ALK: variants seen among roughly 807,000 people sequenced by gnomAD.
The protein encoded by ALK is ALK receptor tyrosine kinase.
A neutral mutation model predicts 163.1 loss-of-function variants in ALK; 74 were observed. The observed-to-expected ratio is 0.45, with a 90% CI of 0.38 to 0.55. The LOEUF (loss-of-function observed/expected upper bound fraction) is 0.55, where lower values mean the gene tolerates loss of function less well. Ranked by LOEUF, ALK falls within the 20% of genes least tolerant of loss-of-function variation. The pLI is 0.00. For synonymous variants in ALK, 960 were observed against 843.2 expected, an observed-to-expected ratio of 1.14 and a Z score of -2.40; for missense variants, 2,063 against 2,105.3, an observed-to-expected ratio of 0.98 and a Z score of 0.39.
intron 3 of ALK, among the ~76,000 whole-genome samples, chr2:29,621,248 A>C (rs934110726): frequency 1.4e-4 from 21 of 152,280 alleles, no homozygotes; most frequent in Admixed American, 3.3e-4. Context: ...GAGAAAAAAA[A>C]AACAACACTG....
intron 4 of ALK, among the ~76,000 whole-genome samples, chr2:29,522,116 G>T (rs906335088): frequency 6.6e-6 from 1 of 152,156 alleles, no homozygotes; most frequent in Non-Finnish European, 1.5e-5. Context: ...TTATCAGCTG[G>T]CAATAGGGTA....
rs548865320 is a variant in ALK, at chr2:29,728,553, C to T, written c.668-10856G>A. Among the ~76,000 whole-genome samples the T allele has an allele frequency of 1.9e-4, 29 of 152,322 alleles. No individual in the cohort carries two copies. The South Asian group carries it at 3.5e-3, about 19-fold the overall frequency. ...TGTTATCCATTGTGAAGGAGACAGA[C>T]ACAACCCTATGAGAACGTATGATGA... On this transcript the variant is annotated intron_variant, in intron 1 of 28. Transcript: ENST00000389048.
intron 4 of ALK, among the ~76,000 whole-genome samples, chr2:29,495,003 G>C (rs1162405244): frequency 1.3e-5 from 2 of 152,184 alleles, no homozygotes; most frequent in Middle Eastern, 6.3e-3. Context: ...ATAGCAGACT[G>C]TGCTTTATGA....
chr2:29,326,052 C>A (rs1411929828), intron 6 of ALK, among the ~76,000 whole-genome samples: 1 of 152,186 alleles, frequency 6.6e-6, no homozygotes, highest in Non-Finnish European at 1.5e-5. Context: ...TCCCTCCCAG[C>A]AACTGCTTTC....
intron 1 of ALK, among the ~76,000 whole-genome samples, chr2:29,768,380 C>G (rs1468755235): frequency 1.3e-5 from 2 of 152,176 alleles, no homozygotes; most frequent in Non-Finnish European, 2.9e-5. Context: ...CTCAGGAAAT[C>G]TACTCAGTAT....
chr2:29,541,881 G>A (rs1019971278), intron 3 of ALK, among the ~76,000 whole-genome samples: 12 of 152,262 alleles, frequency 7.9e-5, no homozygotes, highest in Middle Eastern at 3.4e-3. Context: ...AGCTGCTACC[G>A]TGAGATTTCA....
chr2:29,753,893 C>T (rs1049420373), intron 1 of ALK, among the ~76,000 whole-genome samples: 3 of 152,242 alleles, frequency 2.0e-5, no homozygotes, highest in Non-Finnish European at 4.4e-5. Context: ...ATACAGTCAG[C>T]AGCCCGAGTC....
chr2:29,560,534 T>C (rs1196228860), intron 3 of ALK, among the ~76,000 whole-genome samples: 1 of 152,108 alleles, frequency 6.6e-6, no homozygotes, highest in Non-Finnish European at 1.5e-5. Flanking sequence ...TAATTTTCTT[T>C]CTTTTCTTTT....
intron 7 of ALK, among the ~76,000 whole-genome samples, chr2:29,318,960 C>G (rs1344604913): frequency 6.6e-6 from 1 of 152,176 alleles, no homozygotes; most frequent in African/African-American, 2.4e-5. Flanking sequence ...TAGCCCATGG[C>G]CCAGGACTAG....
At chr2:29,377,474 CAAA>C (rs372035289) in intron 5 of ALK, among the ~76,000 whole-genome samples, 3 of 119,032 alleles carry the variant, frequency 2.5e-5, no homozygotes, top group African/African-American at 6.3e-5. Flanking sequence ...GACTACATCT[CAAA>C]AAAAAAAAAA....
intron 2 of ALK, among the ~76,000 whole-genome samples, chr2:29,700,719 C>T (rs536195582): frequency 2.0e-5 from 3 of 152,296 alleles, no homozygotes; most frequent in African/African-American, 7.2e-5. Flanking sequence ...AGACTGAATT[C>T]ATTAACAATT....
intron 11 of ALK, among the ~76,000 whole-genome samples, chr2:29,265,219 T>C (rs1034548850): frequency 8.5e-5 from 13 of 152,162 alleles, no homozygotes; most frequent in African/African-American, 2.9e-4. Flanking sequence ...GGTTTCACCA[T>C]GTTGGCCAGG....
At chr2:29,215,684 G>A (rs548623183) in intron 23 of ALK, among the ~76,000 whole-genome samples, 53 of 82,244 alleles carry the variant, frequency 6.4e-4, no homozygotes, top group African/African-American at 1.9e-3. Flanking sequence ...AAGAGAGAGT[G>A]CCTGAAGGGG....
chr2:29,598,184 G>A (rs576480652), intron 3 of ALK, among the ~76,000 whole-genome samples: 1 of 152,190 alleles, frequency 6.6e-6, no homozygotes, highest in East Asian at 1.9e-4. Context: ...GCGCCACCAC[G>A]CCAGCTAATT....
intron 1 of ALK, among the ~76,000 whole-genome samples, chr2:29,755,642 C>T (rs1680499905): frequency 6.6e-6 from 1 of 152,166 alleles, no homozygotes; most frequent in Admixed American, 6.5e-5. Context: ...ACAAACTGAG[C>T]ACATTATATC....
chr2:29,583,386 C>T (rs1272396865), intron 3 of ALK, among the ~76,000 whole-genome samples: 1 of 152,130 alleles, frequency 6.6e-6, no homozygotes, highest in Non-Finnish European at 1.5e-5. Flanking sequence ...CCCAAGACCA[C>T]ACCACTGGTC....
chr2:29,474,257 C>T (rs1382926474), intron 4 of ALK, among the ~76,000 whole-genome samples: 1 of 152,092 alleles, frequency 6.6e-6, no homozygotes, highest in Non-Finnish European at 1.5e-5. Flanking sequence ...AATAAAGTTA[C>T]ACAAAATTTA....
intron 1 of ALK, among the ~76,000 whole-genome samples, chr2:29,741,015 G>A (rs181553031): frequency 1.5e-3 from 221 of 152,048 alleles, no homozygotes; most frequent in African/African-American, 5.1e-3. Context: ...AAAAAATAAA[G>A]TAAAATAAAA....
intron 5 of ALK, among the ~76,000 whole-genome samples, chr2:29,342,624 T>A (rs1486346369): frequency 6.6e-6 from 1 of 152,202 alleles, no homozygotes; most frequent in Non-Finnish European, 1.5e-5. Flanking sequence ...GATGACTGAT[T>A]ATCCTGGCCT....
Sources: allele counts gnomAD v4.1 joint callset (sites outside exome capture counted in the v4.1 genomes callset), GRCh38; gene constraint gnomAD v4.1.1; transcripts MANE v1.5; gene names NCBI Gene and HGNC (gene_info 2026-07-23, HGNC 2026-07-21).